NUP85: variants seen among roughly 807,000 people sequenced by gnomAD.
NUP85 encodes the protein nuclear pore complex protein Nup85.
NUP85 carries 23 observed loss-of-function variants against 92.8 expected under a neutral mutation model. The ratio of observed to expected loss-of-function variants is 0.25; its 90% CI spans 0.18 to 0.35. The LOEUF (loss-of-function observed/expected upper bound fraction) is 0.35, where lower values mean the gene tolerates loss of function less well. Ranked by LOEUF, NUP85 falls within the 10% of genes least tolerant of loss-of-function variation. The pLI is 1.00. For missense variants in NUP85, 759 were observed against 822.8 expected (o/e 0.92, Z 0.95); for synonymous variants, 314 against 306.9 (o/e 1.02, Z -0.24).
chr17:75,234,052 CTTT>C (rs10716628), intron 16 of NUP85, among the ~76,000 whole-genome samples: 16 of 118,058 alleles, frequency 1.4e-4, no homozygotes, highest in Admixed American at 2.5e-4. Context: ...CATGTTTCTT[CTTT>C]TTTTTTTTTT....
At position 75,231,278 on chromosome 17, in the gene NUP85, A is replaced by C; in HGVS notation, c.1095-62A>C. On this transcript the variant is annotated intron_variant, in intron 11 of 18. Coordinates refer to ENST00000245544, the MANE Select transcript of NUP85 (RefSeq NM_024844.5). The surrounding 1 kb of genome is among the most constrained non-coding windows in gnomAD (Gnocchi z 4.6). Reference sequence around the variant, plus strand: ...CATGTGGGGTTTCTTGCTCACCCCCACTCTTGTGGGACGCGGCCTGTGCCC... The same window carrying C: ...CATGTGGGGTTTCTTGCTCACCCCCCCTCTTGTGGGACGCGGCCTGTGCCC... 1 of 1,530,680 alleles carries C rather than the reference A, an allele frequency of 6.5e-7. No individual in the cohort carries two copies. Among genetic ancestry groups the C allele is most frequent in the Admixed American group, 1.7e-5 (1 of 59,770 alleles). The allele number at this position is 1,530,680 out of a possible 1,614,324, so 94.8% of individuals were successfully genotyped here. A position where few individuals can be genotyped will look rare whatever the true frequency, so the allele number is the denominator to read the frequency against.
In NUP85 at chr17:75,231,460, C is replaced by A; in HGVS notation, c.1178+37C>A. ...GGAGGCACCGATCCTCCTCTTCTTACCACCAGGCCCCCGAGGGTGGTGTGA... is the reference window on the plus strand; with the variant it reads ...GGAGGCACCGATCCTCCTCTTCTTAACACCAGGCCCCCGAGGGTGGTGTGA... On this transcript the variant is annotated intron_variant, in intron 12 of 18. Transcript: ENST00000245544. The surrounding 1 kb of genome is among the most constrained non-coding windows in gnomAD (Gnocchi z 4.6). 2.5e-6 allele frequency: 4 copies of A among 1,611,708 alleles called. No homozygotes were observed. Among genetic ancestry groups the A allele is most frequent in the Non-Finnish European group, 3.4e-6 (4 of 1,177,780 alleles).
chr17:75,215,799 A>G lies in NUP85; in HGVS notation c.451A>G (p.Ile151Val). Residue 151 changes from isoleucine (I) to valine (V), a missense_variant, in exon 6 of 19, where the codon ATT becomes GTT. Transcript: ENST00000245544. ...AMELIWNLCE[I>V]LFIEVAPAGP... is the part of the protein sequence containing the mutation. ...GGAGCTCATCTGGAACCTGTGTGAG[A>G]TTCTTTTTATTGAAGTGGCCCCAGG... The G allele has an allele frequency of 1.9e-6, 3 of 1,613,998 alleles. No homozygotes were observed. Among genetic ancestry groups the G allele is most frequent in the Middle Eastern group, 1.7e-4 (1 of 6,058 alleles).
At chr17:75,208,966 A>G (rs2075175074) in intron 2 of NUP85, among the ~76,000 whole-genome samples, 1 of 151,182 alleles carries the variant, frequency 6.6e-6, no homozygotes, top group African/African-American at 2.4e-5. Context: ...CTGGTCTCGC[A>G]CTCCTGGCCT....
chr17:75,225,453 T>G lies in NUP85; in HGVS notation c.844T>G (p.Ser282Ala). ...ATTCGCCACCAGCCCTCACCTGGAG[T>G]CTCTCTTGAAGGTCTGGGAAGCAGT... ...STFATSPHLE[S>A]LLKIMLGDEA... The change falls in exon 9 of 19, where the codon TCT becomes GCT. Residue 282 changes from serine to alanine, a missense_variant. Transcript: ENST00000245544. 6.2e-7 allele frequency: 1 copy of G among 1,613,420 alleles called. No individual in the cohort carries two copies. The highest frequency in any genetic ancestry group is 1.1e-5 in the South Asian group (1 of 91,070).
rs1459181055 is a variant in NUP85 at position 75,215,841 on chromosome 17, C to T, written c.475+18C>T. On this transcript the variant is annotated intron_variant, in intron 6 of 18. Transcript: ENST00000245544. Reference sequence around the variant, plus strand: ...GGCCCCAGGTAGGCATGGAATATCTCACCATAATCTCATAGGTGTCCCCTT... The same window carrying T: ...GGCCCCAGGTAGGCATGGAATATCTTACCATAATCTCATAGGTGTCCCCTT... 2 of 1,604,332 alleles carry T rather than the reference C, an allele frequency of 1.2e-6. No individual in the cohort carries two copies. The highest frequency in any genetic ancestry group is 1.7e-5 in the Admixed American group (1 of 60,018).
At chr17:75,226,211 C>A in intron 11 of NUP85, 54 bp downstream of exon 11, 1 of 1,469,006 alleles carries the variant, frequency 6.8e-7, no homozygotes, top group Non-Finnish European at 9.5e-7. Flanking sequence ...CAAATATCAC[C>A]ACCTTGCGTT....
chr17:75,225,562 G>A, intron 9 of NUP85, 98 bp downstream of exon 9: 1 of 1,571,144 alleles, frequency 6.4e-7, no homozygotes. Flanking sequence ...CTTGGATAGG[G>A]CTGTCTGTCG....
chr17:75,225,858 G>A, intron 10 of NUP85, 29 bp downstream of exon 10: 2 of 1,613,340 alleles, frequency 1.2e-6, no homozygotes, highest in East Asian at 2.2e-5. Flanking sequence ...GGCAAGGGTG[G>A]GGGTAGGAGT....
chr17:75,231,619 G>C lies in NUP85; in HGVS notation c.1225G>C (p.Gly409Arg). 2 of 1,614,198 alleles carry C rather than the reference G, an allele frequency of 1.2e-6. No individual in the cohort carries two copies. Among genetic ancestry groups the C allele is most frequent in the South Asian group, 2.2e-5 (2 of 91,082 alleles). The change falls in exon 13 of 19, where the codon GGA (glycine) becomes CGA (arginine). Residue 409 changes from glycine (G) to arginine (R), a missense_variant. By Grantham distance (125) the Gly-to-Arg change is moderately radical. Transcript: ENST00000245544. The surrounding 1 kb of genome is among the most constrained non-coding windows in gnomAD (Gnocchi z 4.6). ...GTTCCTCCTGCTGGAGTACGCCTCG[G>C]GACTGTTTGCTCATCCCAGGTAGGA... is the stretch of plus-strand genomic sequence containing the variant. ...REFLLLEYAS[G>R]LFAHPSLWQL...
At chr17:75,206,940 C>G (rs977571815) in intron 1 of NUP85, among the ~76,000 whole-genome samples, 31 of 152,162 alleles carry the variant, frequency 2.0e-4, no homozygotes, top group Admixed American at 7.9e-4. Flanking sequence ...ATCTCCTGAC[C>G]TCGTGATCCG....
intron 4 of NUP85, among the ~76,000 whole-genome samples, chr17:75,212,668 A>T (rs2075312838): frequency 6.6e-6 from 1 of 151,888 alleles, no homozygotes; most frequent in Non-Finnish European, 1.5e-5. Flanking sequence ...AGTTTTCCTC[A>T]GAGAACTTTG....
chr17:75,224,519 T>C (rs1432230879), intron 7 of NUP85, among the ~76,000 whole-genome samples: 6 of 151,916 alleles, frequency 3.9e-5, no homozygotes, highest in African/African-American at 1.4e-4. Flanking sequence ...GAGGAACATG[T>C]TTTTCTGTTT....
intron 17 of NUP85, 63 bp from the exon 18 acceptor site, chr17:75,235,037 C>T: frequency 7.3e-7 from 1 of 1,364,684 alleles, no homozygotes; most frequent in Non-Finnish European, 1.0e-6. Flanking sequence ...AACATGGGCC[C>T]CTGCCCCAAC....
chr17:75,232,908 C>G lies in NUP85; in HGVS notation c.1454C>G (p.Ser485Cys). 6.2e-7 allele frequency: 1 copy of G among 1,614,252 alleles called. No individual in the cohort carries two copies. Among genetic ancestry groups the G allele is most frequent in the Non-Finnish European group, 8.5e-7 (1 of 1,180,056 alleles). Residue 485 changes from serine (S) to cysteine (C), a missense_variant, in exon 15 of 19, where the codon TCT becomes TGT. Ser to Cys is a moderately radical substitution (Grantham distance 112). Coordinates refer to ENST00000245544, the MANE Select transcript of NUP85 (RefSeq NM_024844.5). ...MKAVRNNRLG[S>C]ALSWSIRAKD... Reference sequence around the variant, plus strand: ...GCCGTCCGCAACAATCGCCTGGGTTCTGCCCTCTCTTGGAGCATCCGTGCT... The same window carrying G: ...GCCGTCCGCAACAATCGCCTGGGTTGTGCCCTCTCTTGGAGCATCCGTGCT...
chr17:75,231,752 T>G lies in NUP85; in HGVS notation c.1245-76T>G, dbSNP rs1163735780. On this transcript the variant is annotated intron_variant, in intron 13 of 18. Coordinates refer to ENST00000245544, the MANE Select transcript of NUP85 (RefSeq NM_024844.5). The surrounding 1 kb of genome is among the most constrained non-coding windows in gnomAD (Gnocchi z 4.6). ...TCCTTGAAGGCTTCGGAAGGGTCAG[T>G]GAAAGGGAGCTGTAGGTGCCAGTCC... 1.2e-6 allele frequency: 2 copies of G among 1,607,416 alleles called. No individual in the cohort carries two copies. The highest frequency in any genetic ancestry group is 2.7e-5 in the African/African-American group (2 of 74,872).
At chr17:75,225,857 G>A (rs761343408) in intron 10 of NUP85, 28 bp downstream of exon 10, 37 of 1,613,244 alleles carry the variant, frequency 2.3e-5, no homozygotes, top group Non-Finnish European at 2.8e-5. Context: ...GGGCAAGGGT[G>A]GGGGTAGGAG....
chr17:75,210,353 T>A (rs1352591877), intron 3 of NUP85, among the ~76,000 whole-genome samples: 1 of 152,188 alleles, frequency 6.6e-6, no homozygotes, highest in Non-Finnish European at 1.5e-5. Context: ...GGTTCAGACG[T>A]TATTTGACAA....
chr17:75,219,143 A>G lies in NUP85; in HGVS notation c.597+837A>G, dbSNP rs142234179. Among the ~76,000 whole-genome samples, 9 of 152,324 alleles carry G rather than the reference A, an allele frequency of 5.9e-5. No homozygotes were observed. In the East Asian group the frequency reaches 1.7e-3, roughly 29 times the overall value. ...GGCTAATGGAAAGTCAACTAAACTT[A>G]TAAAGCCTGAAATTGGGAACAGATT... On this transcript the variant is annotated intron_variant, in intron 7 of 18. Transcript: ENST00000245544.
Sources: gnomAD v4.1 joint callset for allele counts (sites outside exome capture counted in the v4.1 genomes callset) on GRCh38, gnomAD v4.1.1 for gene constraint, Gnocchi (gnomAD v3.1) non-coding constraint, MANE v1.5 for transcripts, NCBI Gene and HGNC (gene_info 2026-07-23, HGNC 2026-07-21) for gene names.